Variants in RAPGEF2 observed in about 807,000 individuals in gnomAD.
The protein encoded by RAPGEF2 is Rap guanine nucleotide exchange factor 2.
In RAPGEF2, 54 loss-of-function variants were observed where a neutral mutation model predicts 186.7. The ratio of observed to expected loss-of-function variants is 0.29; its 90% CI spans 0.23 to 0.36. The LOEUF (loss-of-function observed/expected upper bound fraction) is 0.36. RAPGEF2 is among the 10% of genes least tolerant of loss of function. The pLI is 1.00. For missense variants in RAPGEF2, 1,532 were observed against 2,045.0 expected, an observed-to-expected ratio of 0.75 and a Z score of 4.84; for synonymous variants, 712 against 705.9, an observed-to-expected ratio of 1.01 and a Z score of -0.14.
At chr4:159,247,866 G>A (rs1428306529) in intron 7 of RAPGEF2, among the ~76,000 whole-genome samples, 1 of 144,196 alleles carries the variant, frequency 6.9e-6, no homozygotes, top group African/African-American at 2.6e-5. Flanking sequence ...GGGTTCCAGC[G>A]ATTCTCCTGC....
intron 4 of RAPGEF2, among the ~76,000 whole-genome samples, chr4:159,216,586 G>T (rs1343401563): frequency 6.6e-6 from 1 of 152,038 alleles, no homozygotes. Context: ...TAGAATGCAA[G>T]TGTAGTTTAG....
chr4:159,281,485 C>T (rs1759694176), intron 7 of RAPGEF2, among the ~76,000 whole-genome samples: 1 of 151,106 alleles, frequency 6.6e-6, no homozygotes, highest in Admixed American at 6.6e-5. Context: ...GCCTGGCCAA[C>T]ATGGTGAAAC....
intron 7 of RAPGEF2, among the ~76,000 whole-genome samples, chr4:159,250,004 C>T (rs1268880177): frequency 6.6e-6 from 1 of 151,652 alleles, no homozygotes; most frequent in Non-Finnish European, 1.5e-5. Context: ...AATATCAAGG[C>T]AAAAAAGTAA....
At chr4:159,320,781 A>G (rs1765148552) in intron 9 of RAPGEF2, among the ~76,000 whole-genome samples, 1 of 152,138 alleles carries the variant, frequency 6.6e-6, no homozygotes, top group African/African-American at 2.4e-5. Flanking sequence ...AATAAACTAT[A>G]TCCAAGAACA....
Position 159,346,995 on chromosome 4 carries a change from T to G in RAPGEF2, c.3709T>G (p.Phe1237Val). 6.2e-7 allele frequency: 1 copy of G among 1,611,376 alleles called. No individual in the cohort carries two copies. Among genetic ancestry groups the G allele is most frequent in the Non-Finnish European group, 8.5e-7 (1 of 1,177,716 alleles). ...AGTGCCCGTAAAGGATCTCCCACCT[T>G]TTGGTAAGTGATTACATTCATTTCT... The part of the protein sequence containing the change: ...KKVPVKDLPP[F>V]GINSPQALKK... Residue 1237 changes from phenylalanine to valine, a missense_variant, in exon 25 of 30, where the codon TTT (phenylalanine) becomes GTT (valine). Around this residue, in one of 4 missense-constraint regions of RAPGEF2, gnomAD observed 594 missense variants for 608.5 expected, o/e 0.98. Transcript: ENST00000691494.
chr4:159,128,027 G>C (rs983294811), intron 1 of RAPGEF2, among the ~76,000 whole-genome samples: 1 of 152,018 alleles, frequency 6.6e-6, no homozygotes, highest in Admixed American at 6.6e-5. Flanking sequence ...TATTGCCTTG[G>C]ATTATATTTA....
At position 159,331,618 on chromosome 4, in the gene RAPGEF2, G is replaced by C; in HGVS notation, c.1576-12G>C. 6.2e-7 allele frequency: 1 copy of C among 1,614,014 alleles called. No individual in the cohort carries two copies. Among genetic ancestry groups the C allele is most frequent in the Non-Finnish European group, 8.5e-7 (1 of 1,179,920 alleles). On this transcript the variant is annotated splice_polypyrimidine_tract_variant and intron_variant, in intron 14 of 29. Coordinates refer to ENST00000691494, the MANE Select transcript of RAPGEF2 (RefSeq NM_001394067.2). ...TTCTTGAGTTGACACTACTGTTTCT[G>C]AACTCTTAAAGAAAATGGGTGGACA...
At chr4:159,125,418 G>A (rs1051723777) in intron 1 of RAPGEF2, among the ~76,000 whole-genome samples, 3 of 152,054 alleles carry the variant, frequency 2.0e-5, no homozygotes, top group Admixed American at 1.3e-4. Flanking sequence ...GTGCTATGGA[G>A]TTTTTTTGAG....
chr4:159,139,556 A>AGT (rs1343070188), intron 1 of RAPGEF2, among the ~76,000 whole-genome samples: 2 of 152,058 alleles, frequency 1.3e-5, no homozygotes, highest in Non-Finnish European at 2.9e-5. Context: ...AAATACATGG[A>AGT]GTGTGATACT....
rs1258814911 is a variant in RAPGEF2 at position 159,156,653 on chromosome 4, G to A, written c.70-29989G>A. ...TCCCCCAGCTCCCAACCACCCACAT[G>A]GACAGGCCCCAGTGTGTGATGTTCC... On this transcript the variant is annotated intron_variant, in intron 1 of 29. Coordinates refer to ENST00000691494, the MANE Select transcript of RAPGEF2 (RefSeq NM_001394067.2). 5.3e-5 allele frequency among the ~76,000 whole-genome samples: 8 copies of A among 152,096 alleles called. No homozygotes were observed. The East Asian group carries it at 1.4e-3, about 26-fold the overall frequency.
intron 4 of RAPGEF2, among the ~76,000 whole-genome samples, chr4:159,213,158 C>T (rs1480211147): frequency 2.0e-5 from 3 of 152,114 alleles, no homozygotes; most frequent in African/African-American, 7.2e-5. Context: ...ACAGTTTGCA[C>T]CGTCCAAGTT....
chr4:159,251,973 C>T (rs562646456), intron 7 of RAPGEF2, among the ~76,000 whole-genome samples: 6 of 152,216 alleles, frequency 3.9e-5, no homozygotes, highest in Admixed American at 1.3e-4. Context: ...AGCTTCCCTC[C>T]TGAAGTCAGA....
At chr4:159,157,622 A>G (rs1234611875) in intron 1 of RAPGEF2, among the ~76,000 whole-genome samples, 1 of 152,216 alleles carries the variant, frequency 6.6e-6, no homozygotes, top group Non-Finnish European at 1.5e-5. Flanking sequence ...TGCACTTGGT[A>G]TCTGTAATCT....
chr4:159,344,403 G>A (rs921780400), intron 23 of RAPGEF2, among the ~76,000 whole-genome samples: 9 of 151,974 alleles, frequency 5.9e-5, no homozygotes, highest in Admixed American at 3.9e-4. Flanking sequence ...ATATTAGAAG[G>A]GAAAAGTTGT....
At chr4:159,219,232 T>G (rs1751273605) in intron 4 of RAPGEF2, among the ~76,000 whole-genome samples, 1 of 152,092 alleles carries the variant, frequency 6.6e-6, no homozygotes, top group African/African-American at 2.4e-5. Context: ...ACCTATGAAG[T>G]AATTATTAAG....
chr4:159,268,318 G>A (rs1757685733), intron 7 of RAPGEF2: 1 of 988,036 alleles, frequency 1.0e-6, no homozygotes, highest in African/African-American at 1.6e-5. Flanking sequence ...AGTTTTTGTA[G>A]AAGGTATAGT....
intron 3 of RAPGEF2, among the ~76,000 whole-genome samples, chr4:159,203,621 C>G (rs541939968): frequency 6.6e-6 from 1 of 152,158 alleles, no homozygotes; most frequent in African/African-American, 2.4e-5. Flanking sequence ...CAGGTTTGTT[C>G]AAAACCTTTG....
chr4:159,131,553 T>G (rs1741110089), intron 1 of RAPGEF2, among the ~76,000 whole-genome samples: 1 of 144,610 alleles, frequency 6.9e-6, no homozygotes, highest in Non-Finnish European at 1.5e-5. Flanking sequence ...TTTTAGCTTT[T>G]GCTGTTGTTG....
chr4:159,354,078 T>C (rs1454188139), intron 28 of RAPGEF2, 32 bp downstream of exon 28: 1 of 1,511,804 alleles, frequency 6.6e-7, no homozygotes, highest in Admixed American at 2.2e-5. Context: ...CTTTGTCATG[T>C]CTGGATCATG....
Sources: gnomAD v4.1 joint callset for allele counts (sites outside exome capture counted in the v4.1 genomes callset) on GRCh38, gnomAD v4.1.1 for gene constraint, gnomAD v4.1.1 regional missense constraint, MANE v1.5 for transcripts, NCBI Gene and HGNC (gene_info 2026-07-23, HGNC 2026-07-21) for gene names.